Variants in ADAM22 observed in about 807,000 individuals in gnomAD.
ADAM22 encodes the protein ADAM metallopeptidase domain 22, also known as disintegrin and metalloproteinase domain-containing protein 22.
ADAM22 carries 65 observed loss-of-function variants against 144.6 expected under a neutral mutation model. The observed-to-expected ratio is 0.45, with a 90% confidence interval of 0.37 to 0.55. The LOEUF is 0.55. Ranked by LOEUF, ADAM22 falls within the 20% of genes least tolerant of loss-of-function variation. ADAM22 has a pLI of 0.00. For missense variants in ADAM22, 974 were observed against 1,184.9 expected (o/e 0.82, Z 2.61); for synonymous variants, 391 against 412.6 (o/e 0.95, Z 0.63).
At chr7:88,051,583 G>A (rs980671167) in intron 3 of ADAM22, among the ~76,000 whole-genome samples, 9 of 152,182 alleles carry the variant, frequency 5.9e-5, no homozygotes, top group African/African-American at 1.4e-4. Context: ...GATAGCATTA[G>A]GAGATATACC....
At chr7:88,173,549 C>A (rs898722081) in intron 26 of ADAM22, among the ~76,000 whole-genome samples, 1 of 151,972 alleles carries the variant, frequency 6.6e-6, no homozygotes, top group African/African-American at 2.4e-5. Context: ...TGATTATAGA[C>A]AAAGTGGTAA....
chr7:88,033,310 T>C (rs1158764704), intron 3 of ADAM22, among the ~76,000 whole-genome samples: 2 of 152,250 alleles, frequency 1.3e-5, no homozygotes, highest in East Asian at 1.9e-4. Flanking sequence ...AGGTGTAAGC[T>C]TGGTGGTCTT....
intron 4 of ADAM22, among the ~76,000 whole-genome samples, chr7:88,097,401 G>A (rs1407842205): frequency 6.6e-6 from 1 of 151,632 alleles, no homozygotes; most frequent in Non-Finnish European, 1.5e-5. Flanking sequence ...ACCCGCCTCA[G>A]TCTCCCAAAG....
intron 3 of ADAM22, among the ~76,000 whole-genome samples, chr7:88,038,404 G>C (rs553660716): frequency 6.7e-6 from 1 of 149,918 alleles, no homozygotes; most frequent in Non-Finnish European, 1.5e-5. Context: ...ATATAAGCAC[G>C]CTCTAAAAAA....
intron 4 of ADAM22, among the ~76,000 whole-genome samples, 195 bp downstream of exon 4, chr7:88,075,887 G>A (rs1330749054): frequency 6.6e-6 from 1 of 152,138 alleles, no homozygotes; most frequent in South Asian, 2.1e-4. Context: ...AATTTTTAGG[G>A]TACTGTAGGA....
At chr7:88,072,864 C>T (rs900444697) in intron 3 of ADAM22, among the ~76,000 whole-genome samples, 1 of 152,198 alleles carries the variant, frequency 6.6e-6, no homozygotes, top group Non-Finnish European at 1.5e-5. Flanking sequence ...AGTATCTCTC[C>T]TGTTTTGGGT....
intron 4 of ADAM22, among the ~76,000 whole-genome samples, chr7:88,082,025 C>T (rs755748638): frequency 1.4e-4 from 22 of 152,084 alleles, no homozygotes; most frequent in Non-Finnish European, 2.4e-4. Flanking sequence ...ACCCACATTG[C>T]CACGTGAATC....
chr7:87,956,135 T>G (rs1040240511), intron 2 of ADAM22, among the ~76,000 whole-genome samples: 10 of 152,154 alleles, frequency 6.6e-5, no homozygotes, highest in Non-Finnish European at 1.5e-4. Context: ...CTGCATCCAC[T>G]GTCCTGCACC....
chr7:88,009,546 T>G, intron 3 of ADAM22, among the ~76,000 whole-genome samples: 1 of 152,200 alleles, frequency 6.6e-6, no homozygotes, highest in Admixed American at 6.5e-5. Flanking sequence ...AAATGCCTTT[T>G]AAAATCATAG....
chr7:88,016,770 G>C (rs903887818), intron 3 of ADAM22, among the ~76,000 whole-genome samples: 5 of 152,272 alleles, frequency 3.3e-5, no homozygotes, highest in African/African-American at 1.2e-4. Flanking sequence ...GGTTGATAGA[G>C]ACTGAGAAAG....
intron 3 of ADAM22, 95 bp downstream of exon 3, chr7:87,978,507 C>T: frequency 2.1e-6 from 2 of 974,136 alleles, no homozygotes; most frequent in Admixed American, 2.2e-5. Flanking sequence ...TTTACTTTGT[C>T]TTCCTATACC....
intron 3 of ADAM22, among the ~76,000 whole-genome samples, chr7:87,980,977 A>G (rs962041649): frequency 6.6e-6 from 1 of 152,152 alleles, no homozygotes; most frequent in African/African-American, 2.4e-5. Context: ...TTATTGTGAA[A>G]CATTCTTCGG....
intron 29 of ADAM22, chr7:88,186,357 C>G: frequency 2.2e-6 from 1 of 444,568 alleles, no homozygotes; most frequent in Non-Finnish European, 4.0e-6. Context: ...TTCTAATTCA[C>G]TTTGGGAAGC....
intron 3 of ADAM22, among the ~76,000 whole-genome samples, chr7:87,994,453 G>T (rs573248765): frequency 1.3e-5 from 2 of 152,238 alleles, no homozygotes; most frequent in South Asian, 4.2e-4. Flanking sequence ...GAGCCACCGC[G>T]CCCGGCCTAG....
chr7:88,043,527 T>A (rs1303315887), intron 3 of ADAM22, among the ~76,000 whole-genome samples: 9 of 151,172 alleles, frequency 6.0e-5, no homozygotes, highest in Non-Finnish European at 1.3e-4. Context: ...CAGGGTAAGA[T>A]TTATGCCATT....
rs59884570 is a variant in ADAM22 at position 87,964,072 on chromosome 7, A to G, written c.247-14264A>G. On this transcript the variant is annotated intron_variant, in intron 2 of 31. Transcript: ENST00000413139. ...CTTTACATCACTAGACACTGTTACTATGTCTTAAGTCTGTAAGACCCTTCA... is the reference window on the plus strand; with the variant it reads ...CTTTACATCACTAGACACTGTTACTGTGTCTTAAGTCTGTAAGACCCTTCA... 3.4e-3 allele frequency among the ~76,000 whole-genome samples: 511 copies of G among 152,324 alleles called. 8 individuals carry two copies. In the East Asian group the frequency reaches 0.039, roughly 12 times the overall value.
At chr7:87,985,206 G>C (rs777083838) in intron 3 of ADAM22, among the ~76,000 whole-genome samples, 1 of 151,470 alleles carries the variant, frequency 6.6e-6, no homozygotes, top group African/African-American at 2.4e-5. Flanking sequence ...CCGGTTACTC[G>C]GGAGGCTGAG....
At chr7:87,958,392 A>ACT (rs1014872920) in intron 2 of ADAM22, among the ~76,000 whole-genome samples, 1 of 147,820 alleles carries the variant, frequency 6.8e-6, no homozygotes, top group East Asian at 2.0e-4. Flanking sequence ...TTTATTTTTT[A>ACT]TTTTTTTTTT....
chr7:87,984,306 T>G (rs1347224055), intron 3 of ADAM22, among the ~76,000 whole-genome samples: 2 of 152,144 alleles, frequency 1.3e-5, no homozygotes, highest in Admixed American at 1.3e-4. Context: ...CCTTCACTAG[T>G]GATGCCCGCT....
Sources: gnomAD v4.1 joint callset for allele counts (sites outside exome capture counted in the v4.1 genomes callset) on GRCh38, gnomAD v4.1.1 for gene constraint, MANE v1.5 for transcripts, NCBI Gene and HGNC (gene_info 2026-07-23, HGNC 2026-07-21) for gene names.